CGN: variants seen among roughly 807,000 people sequenced by gnomAD.
CGN encodes the protein cingulin.
CGN carries 121 observed loss-of-function variants against 157.1 expected under a neutral mutation model. That is an observed-to-expected ratio of 0.77 (90% CI 0.66 to 0.90). The LOEUF is 0.90. Ranked by LOEUF, CGN falls within the 40% of genes least tolerant of loss-of-function variation. The pLI is 0.00. For synonymous variants in CGN, 535 were observed against 607.5 expected, an observed-to-expected ratio of 0.88 and a Z score of 1.76; for missense variants, 1,424 against 1,520.9, an observed-to-expected ratio of 0.94 and a Z score of 1.06.
At position 151,530,692 on chromosome 1, in the gene CGN, G is replaced by T; in HGVS notation, c.2517G>T (p.Glu839Asp). Reference sequence around the variant, plus strand: ...AGGTGCTCCGGCGAGGCAAGGCTGAGCTGGAGGAGCAGAAGCGTTTGCTGG... The same window carrying T: ...AGGTGCTCCGGCGAGGCAAGGCTGATCTGGAGGAGCAGAAGCGTTTGCTGG... ...QREVLRRGKA[E>D]LEEQKRLLDR... The change falls in exon 13 of 21, where the codon GAG (glutamate) becomes GAT (aspartate). Residue 839 changes from glutamate (E) to aspartate (D), a missense_variant. By Grantham distance (45) the Glu-to-Asp change is conservative. Around this residue, in one of 3 missense-constraint regions of CGN, gnomAD observed 1,187 missense variants for 1,217.6 expected, o/e 0.97. Transcript: ENST00000271636. 6.4e-7 allele frequency: 1 copy of T among 1,558,272 alleles called. No individual in the cohort carries two copies. Among genetic ancestry groups the T allele is most frequent in the Non-Finnish European group, 8.7e-7 (1 of 1,150,348 alleles).
In CGN at chr1:151,518,953, G is replaced by A. The variant is rs775922111; in HGVS notation, c.434G>A (p.Gly145Asp). ...SHSQASLAGP[G>D]PVDPSNRSNS... ...TCCCAGGCCTCACTGGCAGGCCCTG[G>A]CCCAGTGGATCCTAGTAACAGAAGC... The change falls in exon 2 of 21, where the codon GGC (glycine) becomes GAC (aspartate). Residue 145 changes from glycine to aspartate, a missense_variant. Gly to Asp is a moderately conservative substitution (Grantham distance 94). Transcript: ENST00000271636. 6.2e-7 allele frequency: 1 copy of A among 1,614,032 alleles called. No homozygotes were observed. Among genetic ancestry groups the A allele is most frequent in the East Asian group, 2.2e-5 (1 of 44,890 alleles).
Position 151,524,081 on chromosome 1 carries a change from CG to C in CGN, c.1269-141del. The C allele has an allele frequency of 2.9e-6, 2 of 687,514 alleles. No individual in the cohort carries two copies. Among genetic ancestry groups the C allele is most frequent in the Non-Finnish European group, 4.8e-6 (2 of 412,576 alleles). The allele number at this position is 687,514 out of a possible 1,614,324, so 42.6% of individuals were successfully genotyped here. A position where few individuals can be genotyped will look rare whatever the true frequency, so the allele number is the denominator to read the frequency against. On this transcript the variant is annotated intron_variant, in intron 6 of 20. Transcript: ENST00000271636. The surrounding 1 kb of genome is among the most constrained non-coding windows in gnomAD (Gnocchi z 4.4). ...GCAGATCAGGAGGGCCAGGTTGTAG[CG>C]GGGCAGGTTGCAAAAATCAGGGGAG...
At position 151,537,490 on chromosome 1, in the gene CGN, T is replaced by TA. The variant is rs5777776; in HGVS notation, c.*156dup. 271,590 of 432,072 alleles carry TA rather than the reference T, an allele frequency of 0.63. 62,413 individuals are homozygous for TA. The highest frequency in any genetic ancestry group is 0.73 in the Admixed American group (18,194 of 25,046). 26.8% of individuals were successfully genotyped at this position (432,072 alleles called of 1,614,324 possible). ...CAGGGAGGGGTCAGAGTGATGGTGA[T>TA]AAAAAAAAAAAATCATCAGCAATAA... On this transcript the variant is annotated 3_prime_UTR_variant, in exon 21 of 21. Coordinates refer to ENST00000271636, the MANE Select transcript of CGN (RefSeq NM_020770.3).
chr1:151,530,663 C>T lies in CGN; in HGVS notation c.2488C>T (p.Arg830Trp), dbSNP rs558189514. Residue 830 changes from arginine (R) to tryptophan (W), a missense_variant, in exon 13 of 21, where the codon CGG (arginine) becomes TGG (tryptophan). Physicochemically the swap from Arg to Trp is moderately radical, Grantham distance 101. Transcript: ENST00000271636. ...GGCCCTGGAGGAGGAAGGGAAGCAG[C>T]GGGAGGTGCTCCGGCGAGGCAAGGC... ...NRALEEEGKQREVLRRGKAEL... is the reference protein window; with the variant it reads ...NRALEEEGKQWEVLRRGKAEL... The T allele has an allele frequency of 1.2e-4, 191 of 1,577,278 alleles. No homozygotes were observed. In the East Asian group the frequency reaches 4.3e-3, roughly 36 times the overall value.
At chr1:151,519,525 CT>C (rs1372256999) in intron 2 of CGN, 133 bp downstream of exon 2, 5 of 764,914 alleles carry the variant, frequency 6.5e-6, no homozygotes, top group Admixed American at 5.8e-5. Flanking sequence ...TTGTTCTCTA[CT>C]GTATCTGTCC....
intron 2 of CGN, 139 bp from the exon 3 acceptor site, chr1:151,520,027 A>G (rs763869652): frequency 1.5e-6 from 1 of 667,484 alleles, no homozygotes; most frequent in Non-Finnish European, 2.6e-6. Context: ...GCTGCATTTC[A>G]GGATTGTTCA....
At chr1:151,522,451 C>G (rs1164773231) in intron 5 of CGN, among the ~76,000 whole-genome samples, 1 of 151,694 alleles carries the variant, frequency 6.6e-6, no homozygotes, top group African/African-American at 2.4e-5. Context: ...ATGGTGAAAC[C>G]CTGTCTCTAC....
At chr1:151,529,717 A>G (rs1664786328) in intron 11 of CGN, among the ~76,000 whole-genome samples, 158 bp downstream of exon 11, 1 of 151,992 alleles carries the variant, frequency 6.6e-6, no homozygotes, top group African/African-American at 2.4e-5. Context: ...TGGCAGGGGG[A>G]GGATACCTGT....
intron 1 of CGN, among the ~76,000 whole-genome samples, chr1:151,513,982 A>G (rs1664355345): frequency 6.6e-6 from 1 of 152,182 alleles, no homozygotes; most frequent in Non-Finnish European, 1.5e-5. Context: ...GCCCTTGATC[A>G]CTGTTTACCT....
At chr1:151,522,645 A>C (rs1436928120) in intron 5 of CGN, among the ~76,000 whole-genome samples, 1 of 150,308 alleles carries the variant, frequency 6.7e-6, no homozygotes, top group Non-Finnish European at 1.5e-5. Context: ...ACAAACAAAA[A>C]AAACAAAAAA....
At chr1:151,523,590 C>A (rs201299960) in intron 6 of CGN, 29 bp downstream of exon 6, 1 of 1,573,870 alleles carries the variant, frequency 6.4e-7, no homozygotes, top group Non-Finnish European at 8.6e-7. Context: ...GCACCTCGGG[C>A]TGCTTGGGGG....
chr1:151,524,364 G>A lies in CGN; in HGVS notation c.1401+6G>A, dbSNP rs372833542. On this transcript the variant is annotated splice_donor_region_variant and intron_variant, in intron 7 of 20. Coordinates refer to ENST00000271636, the MANE Select transcript of CGN (RefSeq NM_020770.3). The surrounding 1 kb of genome is among the most constrained non-coding windows in gnomAD (Gnocchi z 4.4). The stretch of plus-strand genomic sequence containing the variant: ...CTAAGGAGGTGTTACTGAAGGTAGG[G>A]TCTGGGGTCATATGCCCCAGCCTCT... 4 of 1,613,608 alleles carry A rather than the reference G, an allele frequency of 2.5e-6. No homozygotes were observed. Among genetic ancestry groups the A allele is most frequent in the Non-Finnish European group, 1.7e-6 (2 of 1,179,846 alleles).
Position 151,517,752 on chromosome 1 carries a change from T to C in CGN, c.-14-754T>C, listed in dbSNP as rs527377107. The stretch of plus-strand genomic sequence containing the variant: ...GTCTTGAACTCCTGACCTCAGGTGA[T>C]CCACCTGCCTCAGCCTCCCAAAGTG... On this transcript the variant is annotated intron_variant, in intron 1 of 20. Coordinates refer to ENST00000271636, the MANE Select transcript of CGN (RefSeq NM_020770.3). Among the ~76,000 whole-genome samples the C allele has an allele frequency of 3.7e-4, 57 of 152,212 alleles. No individual in the cohort carries two copies. The South Asian group carries it at 0.012, about 32-fold the overall frequency.
intron 18 of CGN, 69 bp downstream of exon 18, chr1:151,535,967 T>C: frequency 8.1e-7 from 1 of 1,241,806 alleles, no homozygotes. Context: ...GCTTTTCTCC[T>C]CTGTGGCTCC....
chr1:151,520,326 G>A, intron 3 of CGN, 60 bp downstream of exon 3: 1 of 1,571,064 alleles, frequency 6.4e-7, no homozygotes, highest in Non-Finnish European at 8.8e-7. Flanking sequence ...TTCTAGCTTT[G>A]TTTCCCATCT....
chr1:151,519,139 A>G lies in CGN; in HGVS notation c.620A>G (p.Glu207Gly). Residue 207 changes from glutamate to glycine, a missense_variant, in exon 2 of 21, where the codon GAA (glutamate) becomes GGA (glycine). Glu to Gly is a moderately conservative substitution (Grantham distance 98). Transcript: ENST00000271636. ...CGCCGAACACGGATGCTACCCCCTG[A>G]ACAGCGCAAACGGAGCAAGAGCCTG... is the stretch of plus-strand genomic sequence containing the variant. ...TGRRTRMLPP[E>G]QRKRSKSLDS... 1 of 1,614,046 alleles carries G rather than the reference A, an allele frequency of 6.2e-7. No individual in the cohort carries two copies. Among genetic ancestry groups the G allele is most frequent in the Non-Finnish European group, 8.5e-7 (1 of 1,180,036 alleles).
chr1:151,524,270 G>A lies in CGN; in HGVS notation c.1313G>A (p.Arg438Gln), dbSNP rs751117382. 5.6e-6 allele frequency: 9 copies of A among 1,614,032 alleles called. No individual in the cohort carries two copies. The highest frequency in any genetic ancestry group is 2.2e-5 in the South Asian group (2 of 91,074). The change falls in exon 7 of 21, where the codon CGA becomes CAA. Residue 438 changes from arginine to glutamine, a missense_variant. Physicochemically the swap from Arg to Gln is conservative, Grantham distance 43 (BLOSUM62 1). Around this residue, in one of 3 missense-constraint regions of CGN, gnomAD observed 1,187 missense variants for 1,217.6 expected, o/e 0.97. Transcript: ENST00000271636. This position sits in a 1 kb window ranked among gnomAD's most constrained non-coding sequence, Gnocchi z 4.4. ...KRLLDQGEDL[R>Q]HGLETQVMEL... is the part of the protein sequence containing the mutation. ...CTCTTGGACCAGGGTGAAGATTTAC[G>A]ACATGGGCTGGAGACCCAGGTGATG...
chr1:151,514,460 G>T (rs191283445), intron 1 of CGN, among the ~76,000 whole-genome samples: 90 of 152,306 alleles, frequency 5.9e-4, no homozygotes, highest in Non-Finnish European at 1.1e-3. Context: ...AGGAGGTCCT[G>T]TTGCTAAGAG....
rs1214075928 is a variant in CGN at position 151,511,446 on chromosome 1, G to GAGCCCT, written c.-79_-78insTAGCCC. 1.1e-5 allele frequency: 2 copies of GAGCCCT among 178,546 alleles called. No individual in the cohort carries two copies. The highest frequency in any genetic ancestry group is 5.0e-5 in the African/African-American group (2 of 40,300). 11.1% of individuals were successfully genotyped at this position (178,546 alleles called of 1,614,324 possible). The stretch of plus-strand genomic sequence containing the variant: ...TGCGCGTGCTGCTTTGCCCGAGCCC[G>GAGCCCT]AGCCCGAGCCCGAGCCCGAGCCCGA... On this transcript the variant is annotated 5_prime_UTR_variant, in exon 1 of 21. Transcript: ENST00000271636. The surrounding 1 kb of genome is among the most constrained non-coding windows in gnomAD (Gnocchi z 4.8).
Sources: gnomAD v4.1 joint callset for allele counts (sites outside exome capture counted in the v4.1 genomes callset) on GRCh38, gnomAD v4.1.1 for gene constraint, gnomAD v4.1.1 regional missense constraint, Gnocchi (gnomAD v3.1) non-coding constraint, MANE v1.5 for transcripts, NCBI Gene and HGNC (gene_info 2026-07-23, HGNC 2026-07-21) for gene names.